PRELID2: variants seen among roughly 807,000 people sequenced by gnomAD.
PRELID2 encodes PRELI domain containing 2, also known as PRELI domain-containing protein 2.
In PRELID2, 25 loss-of-function variants were observed where a neutral mutation model predicts 28.4. The observed-to-expected ratio is 0.88, with a 90% CI of 0.64 to 1.23. The LOEUF (loss-of-function observed/expected upper bound fraction) is 1.23. Among genes scored for constraint, PRELID2 ranks in the 50% most tolerant of loss-of-function variants. The pLI, the probability that PRELID2 is intolerant of heterozygous loss-of-function variation, is 0.00. For missense variants in PRELID2, 201 were observed against 214.4 expected (o/e 0.94, Z 0.39); for synonymous variants, 76 against 71.6 (o/e 1.06, Z -0.31).
At chr5:145,521,566 T>C (rs1257657799) in intron 1 of PRELID2, among the ~76,000 whole-genome samples, 10 of 151,102 alleles carry the variant, frequency 6.6e-5, no homozygotes, top group Admixed American at 5.3e-4. Flanking sequence ...CACACACACA[T>C]ATATATATTA....
At chr5:145,559,992 C>A (rs563809718) in intron 1 of PRELID2, among the ~76,000 whole-genome samples, 59 of 152,216 alleles carry the variant, frequency 3.9e-4, no homozygotes, top group African/African-American at 1.4e-3. Flanking sequence ...TTTAACCTAC[C>A]AAACATAGCT....
the PRELID2 span, among the ~76,000 whole-genome samples, chr5:145,340,231 G>A: frequency 6.6e-6 from 1 of 152,190 alleles, no homozygotes; most frequent in Non-Finnish European, 1.5e-5. Context: ...GCTGTGGTCT[G>A]AGGTCTGGCT....
At chr5:145,829,489 C>G (rs950384620) in intron 1 of PRELID2, among the ~76,000 whole-genome samples, 2 of 152,144 alleles carry the variant, frequency 1.3e-5, no homozygotes, top group African/African-American at 4.8e-5. Context: ...TGAAATTAAG[C>G]TAGGTATATT....
rs55760860 is a variant in PRELID2, at chr5:145,514,318, C to CAAAAAAAAAAAAAAAAAAAAA, written n.71-41004_71-41003insTTTTTTTTTTTTTTTTTTTTT. Among the ~76,000 whole-genome samples, 24 of 67,476 alleles carry CAAAAAAAAAAAAAAAAAAAAA rather than the reference C, an allele frequency of 3.6e-4. 1 individual carries two copies. The highest frequency in any genetic ancestry group is 1.3e-3 in the African/African-American group (23 of 17,658). 44.3% of individuals were successfully genotyped at this position (67,476 alleles called of 152,430 possible). A position where few individuals can be genotyped will look rare whatever the true frequency, so the allele number is the denominator to read the frequency against. ...GAATATTTACCAAGCAAATGGAAAGCAAAAAAAAAAAAAAAGCATGGGTTG... is the reference window on the plus strand; with the variant it reads ...GAATATTTACCAAGCAAATGGAAAGCAAAAAAAAAAAAAAAAAAAAAAAAAAAAAAAAAAAAGCATGGGTTG... On this transcript the variant is annotated intron_variant and non_coding_transcript_variant, in intron 1 of 2. Coordinates refer to the PRELID2 transcript ENST00000510259.
chr5:145,570,049 G>T (rs1753003543), intron 1 of PRELID2, among the ~76,000 whole-genome samples: 2 of 152,138 alleles, frequency 1.3e-5, no homozygotes, highest in African/African-American at 2.4e-5. Flanking sequence ...CCCAGCTTCT[G>T]GTTGTTCGCA....
intron 5 of PRELID2, among the ~76,000 whole-genome samples, chr5:145,787,577 G>C (rs1004026295): frequency 4.0e-5 from 6 of 150,430 alleles, no homozygotes; most frequent in Non-Finnish European, 8.8e-5. Context: ...GGGTCTCACT[G>C]TCACCCAGGC....
chr5:145,409,964 C>T, the PRELID2 span, among the ~76,000 whole-genome samples: 1 of 152,114 alleles, frequency 6.6e-6, no homozygotes, highest in Non-Finnish European at 1.5e-5. Flanking sequence ...AAAGTAGGCA[C>T]ATAGACCAAT....
At chr5:145,751,875 G>A (rs1204960459), downstream of PRELID2, among the ~76,000 whole-genome samples, 8 of 152,098 alleles carry the variant, frequency 5.3e-5, no homozygotes, top group South Asian at 6.2e-4. Context: ...CCAGCTACTC[G>A]GGAGGCTGAG....
At chr5:145,318,180 C>A in the PRELID2 span, among the ~76,000 whole-genome samples, 1 of 152,124 alleles carries the variant, frequency 6.6e-6, no homozygotes, top group Admixed American at 6.6e-5. Flanking sequence ...AGTGTTTCTA[C>A]AAAGCATTAT....
intron 5 of PRELID2, chr5:145,794,938 C>G (rs1418474206): frequency 2.6e-5 from 4 of 152,050 alleles, no homozygotes; most frequent in African/African-American, 7.2e-5. Flanking sequence ...TTTATATGGC[C>G]TGCAAGAATG....
intron 1 of PRELID2, among the ~76,000 whole-genome samples, chr5:145,701,948 G>T (rs1208226117): frequency 6.6e-6 from 1 of 152,056 alleles, no homozygotes. Context: ...GTACTCGGGA[G>T]GCCAAGACAG....
the PRELID2 span, among the ~76,000 whole-genome samples, chr5:145,378,830 G>T: frequency 6.6e-6 from 1 of 152,140 alleles, no homozygotes; most frequent in Non-Finnish European, 1.5e-5. Flanking sequence ...TGCTAGAGAG[G>T]TGATGCAGTT....
chr5:145,355,050 G>C, the PRELID2 span, among the ~76,000 whole-genome samples: 1 of 152,140 alleles, frequency 6.6e-6, no homozygotes, highest in African/African-American at 2.4e-5. Flanking sequence ...TTTCATTAAA[G>C]ACAGTGTTTA....
intron 1 of PRELID2, among the ~76,000 whole-genome samples, chr5:145,690,941 C>T (rs1259042912): frequency 2.6e-5 from 4 of 151,564 alleles, no homozygotes; most frequent in African/African-American, 9.7e-5. Context: ...ACAATGATCT[C>T]ATCCTGATTA....
intron 5 of PRELID2, among the ~76,000 whole-genome samples, chr5:145,790,289 G>A (rs1050156857): frequency 6.6e-6 from 1 of 152,102 alleles, no homozygotes; most frequent in Non-Finnish European, 1.5e-5. Flanking sequence ...ATGTGGTATA[G>A]TACACAGTGG....
At chr5:145,440,273 T>C in the PRELID2 span, among the ~76,000 whole-genome samples, 3 of 152,082 alleles carry the variant, frequency 2.0e-5, no homozygotes, top group African/African-American at 7.2e-5. Flanking sequence ...TCCCCAAACA[T>C]CTTGAACCAT....
intron 1 of PRELID2, among the ~76,000 whole-genome samples, chr5:145,711,300 C>T (rs1554085300): frequency 6.6e-6 from 1 of 151,980 alleles, no homozygotes; most frequent in Non-Finnish European, 1.5e-5. Flanking sequence ...TTTGTGGAGG[C>T]CATTAAAAAT....
chr5:145,405,312 C>T, the PRELID2 span, among the ~76,000 whole-genome samples: 1 of 152,134 alleles, frequency 6.6e-6, no homozygotes, highest in Non-Finnish European at 1.5e-5. Context: ...ATCCTAAACT[C>T]ACCTGGTAAT....
the PRELID2 span, among the ~76,000 whole-genome samples, chr5:145,294,165 T>C: frequency 6.6e-6 from 1 of 152,158 alleles, no homozygotes; most frequent in African/African-American, 2.4e-5. Flanking sequence ...TAGTGACAGT[T>C]TTCTTCCATG....
Sources: allele counts gnomAD v4.1 joint callset (sites outside exome capture counted in the v4.1 genomes callset), GRCh38; gene constraint gnomAD v4.1.1; transcripts MANE v1.5; gene names NCBI Gene and HGNC (gene_info 2026-07-23, HGNC 2026-07-21).